The following GARNL3 variants were observed in gnomAD, a reference collection of about 807,000 sequenced individuals.
GARNL3 encodes the protein GTPase activating Rap/RanGAP domain like 3.
In GARNL3, 63 loss-of-function variants were observed where a neutral mutation model predicts 125.0. That is an observed-to-expected ratio of 0.50 (90% CI 0.41 to 0.62). The LOEUF (loss-of-function observed/expected upper bound fraction) is 0.62. GARNL3 is among the 20% of genes least tolerant of loss of function. The pLI, the probability that GARNL3 is intolerant of heterozygous loss-of-function variation, is 0.00. For missense variants in GARNL3, 994 were observed against 1,244.0 expected (o/e 0.80, Z 3.02); for synonymous variants, 439 against 457.5 (o/e 0.96, Z 0.52).
rs573018211 is a variant in GARNL3 at position 127,242,112 on chromosome 9, T to A, written c.-28-967T>A. Among the ~76,000 whole-genome samples the A allele has an allele frequency of 6.6e-6, 1 of 152,062 alleles. No homozygotes were observed. The highest frequency in any genetic ancestry group is 1.9e-4 in the East Asian group (1 of 5,144). Reference sequence around the variant, plus strand: ...TCTCCAGCCTCACAGCACTCCCTTCTCATGCATAAAATCTTTCTGAGCCAT... The same window carrying A: ...TCTCCAGCCTCACAGCACTCCCTTCACATGCATAAAATCTTTCTGAGCCAT... On this transcript the variant is annotated intron_variant, in intron 1 of 10. Transcript: ENST00000439286. The surrounding 1 kb of genome is among the most constrained non-coding windows in gnomAD (Gnocchi z 4.6).
At chr9:127,245,027 G>A (rs2063272163) in intron 2 of GARNL3, among the ~76,000 whole-genome samples, 2 of 152,210 alleles carry the variant, frequency 1.3e-5, no homozygotes, top group South Asian at 2.1e-4. Flanking sequence ...AGTTCCAAAG[G>A]TGGGGCGGGT....
Position 127,388,930 on chromosome 9 carries a change from A to C in GARNL3, c.2554A>C (p.Lys852Gln), listed in dbSNP as rs371488123. ...EGEIQSKNLY[K>Q]IPLRNLVGRS... ...TGAAATTCAATCAAAAAATCTGTAC[A>C]AGATTCCACTTAGAAACCTCGTGGG... The change falls in exon 26 of 28, where the codon AAG becomes CAG. Residue 852 changes from lysine to glutamine, a missense_variant. By Grantham distance (53) the Lys-to-Gln change is moderately conservative (BLOSUM62 1). Around this residue, in one of 5 missense-constraint regions of GARNL3, gnomAD observed 728 missense variants for 865.7 expected, o/e 0.84. Transcript: ENST00000373387. The C allele has an allele frequency of 3.7e-6, 6 of 1,610,690 alleles. No homozygotes were observed. In the African/African-American group the frequency reaches 8.0e-5, roughly 22 times the overall value.
intron 1 of GARNL3, among the ~76,000 whole-genome samples, chr9:127,285,010 A>G (rs1176390050): frequency 6.6e-6 from 1 of 152,114 alleles, no homozygotes; most frequent in East Asian, 1.9e-4. Flanking sequence ...TGAGATGCAT[A>G]TTTTCTGATT....
At chr9:127,305,959 C>T (rs2131438423) in intron 2 of GARNL3, among the ~76,000 whole-genome samples, 1 of 152,158 alleles carries the variant, frequency 6.6e-6, no homozygotes, top group Middle Eastern at 3.4e-3. Context: ...TTCAGCATGC[C>T]AGTGCCTCTG....
chr9:127,291,059 C>A, intron 1 of GARNL3, 109 bp from the exon 2 acceptor site: 1 of 1,093,212 alleles, frequency 9.1e-7, no homozygotes, highest in Non-Finnish European at 1.4e-6. Context: ...AGCTTCTAGG[C>A]TGGGCACTCC....
intron 1 of GARNL3, among the ~76,000 whole-genome samples, chr9:127,283,870 A>G (rs1482138531): frequency 6.6e-6 from 1 of 152,140 alleles, no homozygotes; most frequent in Admixed American, 6.5e-5. Flanking sequence ...TCAGAATCTG[A>G]GTATTTGGTG....
Position 127,388,924 on chromosome 9 carries a change from CTG to C in GARNL3, c.2550_2551del (p.Tyr851GlnfsTer5), listed in dbSNP as rs1453210890. 20 of 1,607,804 alleles carry C rather than the reference CTG, an allele frequency of 1.2e-5. No individual in the cohort carries two copies. The highest frequency in any genetic ancestry group is 1.7e-5 in the Non-Finnish European group (20 of 1,174,342). On this transcript the variant is annotated frameshift_variant, in exon 26 of 28. Transcript: ENST00000373387. LOFTEE classifies it high-confidence loss of function. Reference sequence around the variant, plus strand: ...TTCAGGTGAAATTCAATCAAAAAATCTGTACAAGATTCCACTTAGAAACCTCG... The same window carrying C: ...TTCAGGTGAAATTCAATCAAAAAATCTACAAGATTCCACTTAGAAACCTCG... ...LGEGEIQSKNLYKIPLRNLVG... is the reference protein window; with the variant it reads ...LGEGEIQSKNXYKIPLRNLVG...
At chr9:127,301,034 G>A (rs1421959418) in intron 2 of GARNL3, 1 of 171,580 alleles carries the variant, frequency 5.8e-6, no homozygotes, top group Non-Finnish European at 1.2e-5. Context: ...GCGACACATG[G>A]AACTATCATC....
intron 2 of GARNL3, among the ~76,000 whole-genome samples, chr9:127,258,202 G>T (rs2063525116): frequency 6.6e-6 from 1 of 152,200 alleles, no homozygotes; most frequent in East Asian, 1.9e-4. Flanking sequence ...AAACAGGGGA[G>T]CAGGGAGCTG....
At chr9:127,252,839 TGTCA>T (rs796782577) in intron 2 of GARNL3, among the ~76,000 whole-genome samples, 3 of 152,328 alleles carry the variant, frequency 2.0e-5, no homozygotes, top group South Asian at 2.1e-4. Context: ...AATGTTATGG[TGTCA>T]GTCAGTTCCA....
At position 127,393,203 on chromosome 9, in the gene GARNL3, C is replaced by T; in HGVS notation, c.2991C>T (p.Ser997=). The T allele has an allele frequency of 1.2e-6, 2 of 1,613,550 alleles. No individual in the cohort carries two copies. Among genetic ancestry groups the T allele is most frequent in the South Asian group, 1.1e-5 (1 of 91,070 alleles). ...AGGGCAGCCCGGTCTCCGGCAGCAG[C>T]CCCTTCCAGCTCACGGCTTTCTCCG... ...DREGSPVSGS[S]PFQLTAFSDE... is the part of the protein sequence containing the mutation. The change falls in exon 28 of 28, where the codon AGC becomes AGT. Residue 997 remains serine (S), a synonymous_variant. Transcript: ENST00000373387.
At chr9:127,294,924 A>T (rs1335603825) in intron 2 of GARNL3, among the ~76,000 whole-genome samples, 1 of 152,244 alleles carries the variant, frequency 6.6e-6, no homozygotes, top group Non-Finnish European at 1.5e-5. Flanking sequence ...CTACTGTGGC[A>T]AAAACAGAGG....
chr9:127,371,262 C>T (rs1831590034), intron 22 of GARNL3, among the ~76,000 whole-genome samples: 1 of 152,214 alleles, frequency 6.6e-6, no homozygotes, highest in Non-Finnish European at 1.5e-5. Context: ...ACCCACCTCT[C>T]CCCTCTGCAC....
chr9:127,314,522 CCCTT>C (rs1564909865), intron 4 of GARNL3, among the ~76,000 whole-genome samples: 1 of 151,658 alleles, frequency 6.6e-6, no homozygotes, highest in African/African-American at 2.4e-5. Context: ...CTTCCTTCAC[CCCTT>C]CCTTCCTCCC....
chr9:127,247,640 GT>G (rs1262751038), intron 2 of GARNL3, among the ~76,000 whole-genome samples: 2 of 151,840 alleles, frequency 1.3e-5, no homozygotes, highest in Non-Finnish European at 2.9e-5. Flanking sequence ...TTTGTTTTTA[GT>G]TTTTGTGGGT....
At chr9:127,338,427 T>C (rs1431522960) in intron 12 of GARNL3, among the ~76,000 whole-genome samples, 2 of 152,234 alleles carry the variant, frequency 1.3e-5, no homozygotes, top group African/African-American at 4.8e-5. Context: ...TATTTGATCT[T>C]CATCCTTTCC....
At chr9:127,267,737 A>G (rs935677756) in intron 1 of GARNL3, among the ~76,000 whole-genome samples, 2 of 152,182 alleles carry the variant, frequency 1.3e-5, no homozygotes, top group Non-Finnish European at 2.9e-5. Flanking sequence ...ACAAACCATT[A>G]TGTGTTGCAG....
intron 6 of GARNL3, among the ~76,000 whole-genome samples, chr9:127,323,012 A>G (rs947090346): frequency 1.3e-5 from 2 of 152,230 alleles, no homozygotes; most frequent in African/African-American, 4.8e-5. Flanking sequence ...AAAAACCGGT[A>G]GAGCTAAATT....
intron 22 of GARNL3, among the ~76,000 whole-genome samples, chr9:127,377,321 G>C (rs1011951570): frequency 1.4e-5 from 2 of 138,272 alleles, no homozygotes; most frequent in Non-Finnish European, 3.4e-5. Context: ...TAAAGATAAC[G>C]TTAGGACAAT....
Sources: gnomAD v4.1 joint callset for allele counts (sites outside exome capture counted in the v4.1 genomes callset) on GRCh38, gnomAD v4.1.1 for gene constraint, gnomAD v4.1.1 regional missense constraint, Gnocchi (gnomAD v3.1) non-coding constraint, MANE v1.5 for transcripts, NCBI Gene and HGNC (gene_info 2026-07-23, HGNC 2026-07-21) for gene names.